The following CCDC148 variants were observed in gnomAD, a reference collection of about 807,000 sequenced individuals.
The protein encoded by CCDC148 is coiled-coil domain-containing protein 148.
Under a neutral mutation model 85.7 loss-of-function variants are expected in CCDC148, and 89 were observed. The ratio of observed to expected loss-of-function variants is 1.04; its 90% CI spans 0.87 to 1.24. CCDC148 has a LOEUF of 1.24. Among genes scored for constraint, CCDC148 ranks in the 50% most tolerant of loss-of-function variants. The pLI is 0.00. For missense variants in CCDC148, 692 were observed against 671.7 expected (o/e 1.03, Z -0.33); for synonymous variants, 230 against 213.9 (o/e 1.08, Z -0.66).
chr2:158,379,403 C>T (rs1281202574), intron 1 of CCDC148, among the ~76,000 whole-genome samples: 2 of 152,070 alleles, frequency 1.3e-5, no homozygotes, highest in Admixed American at 6.6e-5. Flanking sequence ...GGTGAAGATG[C>T]TTGTGAACAC....
At chr2:158,450,223 T>C (rs1230714848) in intron 1 of CCDC148, among the ~76,000 whole-genome samples, 2 of 152,214 alleles carry the variant, frequency 1.3e-5, no homozygotes, top group African/African-American at 4.8e-5. Flanking sequence ...ACTGCTTTAA[T>C]AACCTTCTTT....
intron 11 of CCDC148, among the ~76,000 whole-genome samples, chr2:158,185,784 T>C (rs981590598): frequency 7.2e-5 from 11 of 152,150 alleles, no homozygotes; most frequent in Non-Finnish European, 1.2e-4. Flanking sequence ...TCCTTTTATA[T>C]CTTTACATAT....
chr2:158,293,590 A>G (rs1252208745), intron 9 of CCDC148, among the ~76,000 whole-genome samples: 1 of 152,164 alleles, frequency 6.6e-6, no homozygotes, highest in East Asian at 1.9e-4. Flanking sequence ...ATTTTCCCTG[A>G]AACAATATCA....
intron 9 of CCDC148, among the ~76,000 whole-genome samples, chr2:158,303,015 G>T (rs77460510): frequency 0.064 from 9,789 of 151,986 alleles, 722 homozygotes; most frequent in African/African-American, 0.18. Context: ...GCTTGCTACA[G>T]CAACTGTTAT....
intron 10 of CCDC148, among the ~76,000 whole-genome samples, chr2:158,221,657 T>C (rs1366711619): frequency 1.3e-5 from 2 of 152,210 alleles, no homozygotes; most frequent in Non-Finnish European, 2.9e-5. Flanking sequence ...AGTGGTTTCC[T>C]GACTTGCCCT....
chr2:158,345,613 T>C (rs993577180), intron 2 of CCDC148, among the ~76,000 whole-genome samples: 37 of 152,340 alleles, frequency 2.4e-4, no homozygotes, highest in African/African-American at 7.2e-4. Context: ...CCTTAATTCA[T>C]ATAACCCCAG....
chr2:158,247,787 CAG>C (rs1688628296), intron 10 of CCDC148, among the ~76,000 whole-genome samples: 1 of 152,070 alleles, frequency 6.6e-6, no homozygotes, highest in Non-Finnish European at 1.5e-5. Flanking sequence ...ACCCTGGAGG[CAG>C]AAGTTGCAGT....
intron 1 of CCDC148, among the ~76,000 whole-genome samples, chr2:158,447,987 T>C (rs950546120): frequency 5.3e-5 from 8 of 152,208 alleles, no homozygotes; most frequent in Non-Finnish European, 1.0e-4. Context: ...AGAGATTTTC[T>C]ACTGTTTTCA....
intron 9 of CCDC148, among the ~76,000 whole-genome samples, chr2:158,263,214 T>C (rs1689306396): frequency 6.6e-6 from 1 of 152,014 alleles, no homozygotes; most frequent in South Asian, 2.1e-4. Context: ...AGACTCTACT[T>C]TAGGGCATGT....
chr2:158,398,377 G>A (rs551407696), intron 1 of CCDC148, among the ~76,000 whole-genome samples: 4 of 152,228 alleles, frequency 2.6e-5, no homozygotes, highest in African/African-American at 9.6e-5. Context: ...ATAGTTGGAA[G>A]TAAAACACTC....
rs1368615736 is a variant in CCDC148, at chr2:158,456,685, C to T, written c.-246G>A. On this transcript the variant is annotated 5_prime_UTR_variant, in exon 1 of 14. Coordinates refer to ENST00000283233, the MANE Select transcript of CCDC148 (RefSeq NM_138803.4). ...CCGCCACCCCCTCCCGCGCCCGAGA[C>T]CTGAGACACCTTCTCTCTCACACCC... 1 of 566,166 alleles carries T rather than the reference C, an allele frequency of 1.8e-6. No homozygotes were observed. The highest frequency in any genetic ancestry group is 3.0e-5 in the East Asian group (1 of 33,296). 35.1% of individuals were successfully genotyped at this position (566,166 alleles called of 1,614,324 possible). A position where few individuals can be genotyped will look rare whatever the true frequency, so the allele number is the denominator to read the frequency against.
At chr2:158,196,785 C>T (rs1411567993) in intron 11 of CCDC148, among the ~76,000 whole-genome samples, 3 of 151,952 alleles carry the variant, frequency 2.0e-5, no homozygotes, top group Non-Finnish European at 4.4e-5. Context: ...TCTCCTATAC[C>T]CTACTCTGCA....
intron 9 of CCDC148, among the ~76,000 whole-genome samples, chr2:158,257,930 A>G (rs921739627): frequency 1.3e-5 from 2 of 151,922 alleles, no homozygotes; most frequent in African/African-American, 4.8e-5. Flanking sequence ...AGTCAATTTT[A>G]TTTATGAAAG....
At chr2:158,254,457 A>G (rs990825135) in intron 9 of CCDC148, among the ~76,000 whole-genome samples, 3 of 151,688 alleles carry the variant, frequency 2.0e-5, no homozygotes, top group African/African-American at 4.8e-5. Flanking sequence ...AATTTGACTA[A>G]CGAATGGATA....
intron 1 of CCDC148, among the ~76,000 whole-genome samples, chr2:158,376,282 T>C (rs1337125362): frequency 6.6e-6 from 1 of 152,020 alleles, no homozygotes; most frequent in African/African-American, 2.4e-5. Context: ...ATGTCAGTGG[T>C]TCTGGAAAGG....
intron 7 of CCDC148, among the ~76,000 whole-genome samples, chr2:158,328,532 A>T (rs1370000458): frequency 6.6e-6 from 1 of 152,126 alleles, no homozygotes; most frequent in Non-Finnish European, 1.5e-5. Flanking sequence ...TATACCCAGT[A>T]ATGGGATGGC....
chr2:158,216,901 G>C (rs1686892254), intron 11 of CCDC148, among the ~76,000 whole-genome samples: 1 of 152,084 alleles, frequency 6.6e-6, no homozygotes. Flanking sequence ...TTTGATCCTT[G>C]CAACAATCTT....
rs557604804 is a variant in CCDC148, at chr2:158,403,927, G to T, written c.26-45357C>A. ...CAAAGGCACAAACAGTTACTGTGCAGATACAACAAGTCTGAATTCAAGTCC... is the reference window on the plus strand; with the variant it reads ...CAAAGGCACAAACAGTTACTGTGCATATACAACAAGTCTGAATTCAAGTCC... On this transcript the variant is annotated intron_variant, in intron 1 of 13. Transcript: ENST00000283233. 7.9e-5 allele frequency among the ~76,000 whole-genome samples: 12 copies of T among 152,228 alleles called. No homozygotes were observed. In the South Asian group the frequency reaches 2.3e-3, roughly 29 times the overall value.
At chr2:158,284,131 T>TG (rs1284894638) in intron 9 of CCDC148, among the ~76,000 whole-genome samples, 2 of 62,756 alleles carry the variant, frequency 3.2e-5, no homozygotes, top group Non-Finnish European at 5.9e-5. Flanking sequence ...TGTTGTGGGG[T>TG]GGGGGGAGGG....
Sources: allele counts gnomAD v4.1 joint callset (sites outside exome capture counted in the v4.1 genomes callset), GRCh38; gene constraint gnomAD v4.1.1; transcripts MANE v1.5; gene names NCBI Gene and HGNC (gene_info 2026-07-23, HGNC 2026-07-21).